CACUL1: variants seen among roughly 807,000 people sequenced by gnomAD.
CACUL1 encodes the protein CDK2 associated cullin domain 1.
In CACUL1, 13 loss-of-function variants were observed where a neutral mutation model predicts 45.2. The ratio of observed to expected loss-of-function variants is 0.29; its 90% CI spans 0.19 to 0.46. CACUL1 has a LOEUF of 0.46. Ranked by LOEUF, CACUL1 falls within the 20% of genes least tolerant of loss-of-function variation. CACUL1 has a pLI of 1.00. For synonymous variants in CACUL1, 197 were observed against 174.2 expected (o/e 1.13, Z -1.03); for missense variants, 421 against 471.4 (o/e 0.89, Z 0.99).
At chr10:118,743,654 G>C (rs1236919333) in intron 1 of CACUL1, among the ~76,000 whole-genome samples, 2 of 152,016 alleles carry the variant, frequency 1.3e-5, no homozygotes, top group Admixed American at 1.3e-4. Flanking sequence ...ACTTGAACCC[G>C]GGAGGTGGAG....
intron 1 of CACUL1, among the ~76,000 whole-genome samples, chr10:118,732,461 C>T (rs910315779): frequency 1.3e-5 from 2 of 152,174 alleles, no homozygotes; most frequent in Admixed American, 1.3e-4. Flanking sequence ...CCACACCCTA[C>T]GACTACTTCT....
chr10:118,682,024 C>A lies in CACUL1; in HGVS notation c.*4104G>T, dbSNP rs1845158374. ...TCTGACAAAGTTAACTTCATTTATA[C>A]AATCGTATTGAAAACAGTAATCACA... On this transcript the variant is annotated 3_prime_UTR_variant, in exon 9 of 9. Coordinates refer to ENST00000369151, the MANE Select transcript of CACUL1 (RefSeq NM_153810.5). The A allele has an allele frequency of 6.6e-6, 1 of 152,196 alleles. No homozygotes were observed. Among genetic ancestry groups the A allele is most frequent in the African/African-American group, 2.4e-5 (1 of 41,442 alleles). The allele number at this position is 152,196 out of a possible 1,614,324, so 9.4% of individuals were successfully genotyped here. A position where few individuals can be genotyped will look rare whatever the true frequency, so the allele number is the denominator to read the frequency against.
At chr10:118,688,458 A>G (rs1298770086) in intron 7 of CACUL1, among the ~76,000 whole-genome samples, 1 of 152,264 alleles carries the variant, frequency 6.6e-6, no homozygotes, top group Non-Finnish European at 1.5e-5. Flanking sequence ...AAGGTTAAAT[A>G]AAAACTGAAC....
At position 118,685,022 on chromosome 10, in the gene CACUL1, GACAGCAGTGCT is replaced by G. The variant is rs1845190401; in HGVS notation, c.*1095_*1105del. On this transcript the variant is annotated 3_prime_UTR_variant, in exon 9 of 9. Transcript: ENST00000369151. ...TGCCACAGCTGGAAGGGAGCCTTAG[GACAGCAGTGCT>G]ACTTCTTCCCTATCACACTCAAATA... is the stretch of plus-strand genomic sequence containing the variant. 1.3e-5 allele frequency: 2 copies of G among 152,196 alleles called. No individual in the cohort carries two copies. The highest frequency in any genetic ancestry group is 2.9e-5 in the Non-Finnish European group (2 of 68,024). 9.4% of individuals were successfully genotyped at this position (152,196 alleles called of 1,614,324 possible).
chr10:118,746,068 C>A (rs560209544), intron 1 of CACUL1, among the ~76,000 whole-genome samples: 1 of 149,734 alleles, frequency 6.7e-6, no homozygotes, highest in Non-Finnish European at 1.5e-5. Context: ...AGGAGAATGG[C>A]GTGAACCCAG....
At position 118,729,135 on chromosome 10, in the gene CACUL1, A is replaced by G. The variant is rs1050834909; in HGVS notation, c.597+160T>C. On this transcript the variant is annotated intron_variant, in intron 3 of 8. Coordinates refer to ENST00000369151, the MANE Select transcript of CACUL1 (RefSeq NM_153810.5). ...TACCAAATTTTCAAATTAACAATCT[A>G]TTCCAAAAATTACATGATTTGATCA... 5.3e-6 allele frequency: 3 copies of G among 568,474 alleles called. No individual in the cohort carries two copies. In the African/African-American group the frequency reaches 5.8e-5, roughly 11 times the overall value. 35.2% of individuals were successfully genotyped at this position (568,474 alleles called of 1,614,324 possible). A position where few individuals can be genotyped will look rare whatever the true frequency, so the allele number is the denominator to read the frequency against.
At chr10:118,754,342 G>T in intron 1 of CACUL1, 54 bp downstream of exon 1, 2 of 1,439,630 alleles carry the variant, frequency 1.4e-6, no homozygotes, top group Non-Finnish European at 1.8e-6. Flanking sequence ...GGGTGGATTC[G>T]GCGTCCGAGT....
intron 4 of CACUL1, 52 bp downstream of exon 4, chr10:118,707,440 C>A: frequency 1.2e-6 from 1 of 830,292 alleles, no homozygotes; most frequent in Non-Finnish European, 2.0e-6. Flanking sequence ...TCTATTTGTG[C>A]TCTCAACAAT....
Position 118,685,149 on chromosome 10 carries a change from T to G in CACUL1, c.*979A>C, listed in dbSNP as rs1564826596. The G allele has an allele frequency of 6.6e-6, 1 of 152,286 alleles. No homozygotes were observed. The highest frequency in any genetic ancestry group is 1.5e-5 in the Non-Finnish European group (1 of 68,042). The allele number at this position is 152,286 out of a possible 1,614,324, so 9.4% of individuals were successfully genotyped here. ...ACCCCACACCACTGTGTATTTGGAC[T>G]TAATAACTGTATCTGCTTCCTAGAG... On this transcript the variant is annotated 3_prime_UTR_variant, in exon 9 of 9. Transcript: ENST00000369151.
chr10:118,694,118 C>G (rs1845298354), intron 6 of CACUL1, among the ~76,000 whole-genome samples: 1 of 152,158 alleles, frequency 6.6e-6, no homozygotes, highest in Non-Finnish European at 1.5e-5. Flanking sequence ...CCCGCCTCGG[C>G]CTCCCAAAGT....
In CACUL1 at chr10:118,691,373, G is replaced by C. The variant is rs1450804712; in HGVS notation, c.917C>G (p.Ser306Cys). 1.2e-6 allele frequency: 2 copies of C among 1,613,208 alleles called. No homozygotes were observed. The highest frequency in any genetic ancestry group is 1.7e-6 in the Non-Finnish European group (2 of 1,179,296). The change falls in exon 7 of 9, where the codon TCT becomes TGT. Residue 306 changes from serine to cysteine, a missense_variant. Ser to Cys is a moderately radical substitution (Grantham distance 112). Transcript: ENST00000369151. ...EWVQMAPTLF[S>C]KFIPNILPPA... ...AGGGAGAATGTTTGGAATAAATTTA[G>C]AAAATAGAGTTGGAGCCATCTGAAC...
At chr10:118,690,181 G>C (rs1440000505) in intron 7 of CACUL1, among the ~76,000 whole-genome samples, 1 of 151,762 alleles carries the variant, frequency 6.6e-6, no homozygotes, top group Non-Finnish European at 1.5e-5. Context: ...GGCGCCTGTA[G>C]TCCCAGCTAC....
In CACUL1 at chr10:118,723,270, CTG is replaced by C. The variant is rs765312975; in HGVS notation, c.597+6023_597+6024del. ...GTTAACTATGTTTTTTTACTACAGA[CTG>C]TATCCTTGTCACATTATAGTTGAAA... On this transcript the variant is annotated intron_variant, in intron 3 of 8. Transcript: ENST00000369151. Among the ~76,000 whole-genome samples the C allele has an allele frequency of 2.6e-5, 4 of 152,182 alleles. No homozygotes were observed. The South Asian group carries it at 8.3e-4, about 32-fold the overall frequency.
At chr10:118,728,261 TG>T (rs1845669336) in intron 3 of CACUL1, among the ~76,000 whole-genome samples, 1 of 152,000 alleles carries the variant, frequency 6.6e-6, no homozygotes, top group Non-Finnish European at 1.5e-5. Context: ...TCAAAACTGC[TG>T]GGGTGCTTCC....
rs961773311 is a variant in CACUL1, at chr10:118,754,466, G to A, written c.297C>T (p.Ala99=). The A allele has an allele frequency of 4.4e-6, 7 of 1,606,832 alleles. No individual in the cohort carries two copies. The highest frequency in any genetic ancestry group is 1.7e-4 in the Middle Eastern group (1 of 6,056). The change falls in exon 1 of 9, where the codon GCC becomes GCT. Residue 99 remains alanine (A), a synonymous_variant. Coordinates refer to ENST00000369151, the MANE Select transcript of CACUL1 (RefSeq NM_153810.5). ...MMLKSCDAAA[A]VAKAAPAPTA... is the part of the protein sequence containing the mutation. ...TGGGGGCGGGGGCCGCCTTGGCCAC[G>A]GCGGCGGCCGCGTCGCAGCTCTTCA...
At chr10:118,749,510 T>C (rs1185405002) in intron 1 of CACUL1, among the ~76,000 whole-genome samples, 2 of 152,228 alleles carry the variant, frequency 1.3e-5, no homozygotes, top group South Asian at 2.1e-4. Context: ...TGGAAAGCCA[T>C]GTAACCTCAC....
In CACUL1 at chr10:118,682,435, T is replaced by C. The variant is rs778156855; in HGVS notation, c.*3693A>G. The stretch of plus-strand genomic sequence containing the variant: ...AAGAAAATAAAGCCAGCCTCAATAA[T>C]AAAAAGGCAAAATCTGGAGGGGTTA... On this transcript the variant is annotated 3_prime_UTR_variant, in exon 9 of 9. Coordinates refer to ENST00000369151, the MANE Select transcript of CACUL1 (RefSeq NM_153810.5). 6.6e-6 allele frequency: 1 copy of C among 152,382 alleles called. No individual in the cohort carries two copies. The highest frequency in any genetic ancestry group is 2.1e-4 in the South Asian group (1 of 4,826). The allele number at this position is 152,382 out of a possible 1,614,324, so 9.4% of individuals were successfully genotyped here.
intron 2 of CACUL1, among the ~76,000 whole-genome samples, chr10:118,729,999 A>G (rs1010059307): frequency 6.6e-6 from 1 of 152,218 alleles, no homozygotes; most frequent in Non-Finnish European, 1.5e-5. Flanking sequence ...TAAAAATATG[A>G]TTTTTACACC....
At chr10:118,711,936 T>C (rs1021463869) in intron 3 of CACUL1, among the ~76,000 whole-genome samples, 1 of 152,236 alleles carries the variant, frequency 6.6e-6, no homozygotes, top group African/African-American at 2.4e-5. Context: ...ATCAAATTGT[T>C]TCTCCTTAAA....
Sources: gnomAD v4.1 joint callset for allele counts (sites outside exome capture counted in the v4.1 genomes callset) on GRCh38, gnomAD v4.1.1 for gene constraint, MANE v1.5 for transcripts, NCBI Gene and HGNC (gene_info 2026-07-23, HGNC 2026-07-21) for gene names.